SREK1: variants seen among roughly 807,000 people sequenced by gnomAD.
SREK1 encodes splicing regulatory glutamic acid and lysine rich protein 1, also known as splicing regulatory glutamine/lysine-rich protein 1.
Under a neutral mutation model 66.5 loss-of-function variants are expected in SREK1, and 13 were observed. That is an observed-to-expected ratio of 0.20 (90% CI 0.13 to 0.31). The LOEUF (loss-of-function observed/expected upper bound fraction) is 0.31, where lower values mean the gene tolerates loss of function less well. Ranked by LOEUF, SREK1 falls within the 10% of genes least tolerant of loss-of-function variation. The probability of loss-of-function intolerance (pLI) is 1.00; values close to 1 mark genes in which losing one functional copy is unlikely to be tolerated. For synonymous variants in SREK1, 265 were observed against 263.5 expected (o/e 1.01, Z -0.05); for missense variants, 607 against 769.6 (o/e 0.79, Z 2.50).
intron 1 of SREK1, among the ~76,000 whole-genome samples, chr5:66,145,455 TACCCAAGA>T (rs1420784310): frequency 6.6e-6 from 1 of 152,160 alleles, no homozygotes; most frequent in African/African-American, 2.4e-5. Context: ...GGGTAATTGT[TACCCAAGA>T]TTTATTTCTT....
chr5:66,149,128 C>T (rs1000818786), intron 1 of SREK1, among the ~76,000 whole-genome samples: 6 of 152,090 alleles, frequency 3.9e-5, no homozygotes, highest in South Asian at 2.1e-4. Context: ...CCGAGGCAGG[C>T]GGATCACGAG....
At chr5:66,144,720 T>G (rs1743001423) in intron 1 of SREK1, 183 bp downstream of exon 1, 3 of 1,302,492 alleles carry the variant, frequency 2.3e-6, no homozygotes, top group Non-Finnish European at 3.0e-6. Context: ...TTAGTCGGAT[T>G]TGGGGGGTTA....
rs978257934 is a variant in SREK1, at chr5:66,181,910, G to A, written c.*3042G>A. 1.6e-5 allele frequency: 2 copies of A among 126,942 alleles called. No individual in the cohort carries two copies. Among genetic ancestry groups the A allele is most frequent in the African/African-American group, 5.6e-5 (2 of 35,594 alleles). 7.9% of individuals were successfully genotyped at this position (126,942 alleles called of 1,614,324 possible). A position where few individuals can be genotyped will look rare whatever the true frequency, so the allele number is the denominator to read the frequency against. On this transcript the variant is annotated 3_prime_UTR_variant, in exon 12 of 12. Transcript: ENST00000334121. Reference sequence around the variant, plus strand: ...AAAAGGTTTTTTTGTCGGGGGGGGGGGGGTCAAGAGAATTTATTTTGTGAT... The same window carrying A: ...AAAAGGTTTTTTTGTCGGGGGGGGGAGGGTCAAGAGAATTTATTTTGTGAT...
intron 3 of SREK1, among the ~76,000 whole-genome samples, chr5:66,160,017 C>T (rs145047662): frequency 9.2e-4 from 140 of 152,250 alleles, no homozygotes; most frequent in African/African-American, 3.2e-3. Flanking sequence ...GTAGTCCCAG[C>T]TGCTCGGGAG....
At chr5:66,173,126 G>A (rs1392958898) in intron 9 of SREK1, among the ~76,000 whole-genome samples, 1 of 151,814 alleles carries the variant, frequency 6.6e-6, no homozygotes, top group African/African-American at 2.4e-5. Context: ...AGCCGCCACC[G>A]CCCCCAGCCA....
At chr5:66,167,020 T>G (rs886942563) in intron 7 of SREK1, 2 of 151,982 alleles carry the variant, frequency 1.3e-5, no homozygotes, top group African/African-American at 4.8e-5. Context: ...CTAGTGGGAG[T>G]TGTTGTCCTT....
intron 1 of SREK1, among the ~76,000 whole-genome samples, chr5:66,147,284 A>G (rs1743324139): frequency 6.6e-6 from 1 of 152,180 alleles, no homozygotes; most frequent in South Asian, 2.1e-4. Flanking sequence ...TAGAATTACT[A>G]TTAACTTTTT....
intron 5 of SREK1, 143 bp downstream of exon 5, chr5:66,162,735 A>G (rs991013806): frequency 5.9e-6 from 4 of 672,328 alleles, no homozygotes; most frequent in Admixed American, 6.9e-5. Context: ...AATGAAATAC[A>G]TGAGATACTT....
In SREK1 at chr5:66,162,246, G is replaced by A. The variant is rs777484879; in HGVS notation, c.549G>A (p.Thr183=). ...CCAAAATAGATGAAATTAGGAGAAC[G>A]GTTTATGTTGGAAATCTGAATTCCC... The part of the protein sequence containing the change: ...DPSKIDEIRR[T]VYVGNLNSQT... The change falls in exon 4 of 12, where the codon ACG becomes ACA. Residue 183 remains threonine, a synonymous_variant. Transcript: ENST00000334121. 3 of 1,614,024 alleles carry A rather than the reference G, an allele frequency of 1.9e-6. No individual in the cohort carries two copies. The highest frequency in any genetic ancestry group is 1.7e-5 in the Admixed American group (1 of 60,010).
At chr5:66,146,930 A>G (rs150977173) in intron 1 of SREK1, among the ~76,000 whole-genome samples, 8 of 152,192 alleles carry the variant, frequency 5.3e-5, no homozygotes, top group Non-Finnish European at 8.8e-5. Flanking sequence ...TTAAAATTTT[A>G]TGATTGAGCC....
chr5:66,175,662 A>T lies in SREK1; in HGVS notation c.1580+621A>T, dbSNP rs533493363. On this transcript the variant is annotated intron_variant, in intron 10 of 11. Coordinates refer to ENST00000334121, the MANE Select transcript of SREK1 (RefSeq NM_001077199.3). ...TGTAATTTTTGAGAGATATTTCCTA[A>T]TTATCCTCTATAAGAGTTGGCAGCA... 1.8e-4 allele frequency among the ~76,000 whole-genome samples: 27 copies of T among 152,264 alleles called. No homozygotes were observed. In the South Asian group the frequency reaches 3.5e-3, roughly 20 times the overall value.
At chr5:66,159,065 A>G in intron 2 of SREK1, 154 bp from the exon 3 acceptor site, 1 of 1,420,844 alleles carries the variant, frequency 7.0e-7, no homozygotes, top group Non-Finnish European at 9.2e-7. Context: ...GATAAAAGGA[A>G]AGACTTAAGT....
In SREK1 at chr5:66,166,480, T is replaced by C. The variant is rs566576254; in HGVS notation, c.1001+1583T>C. On this transcript the variant is annotated intron_variant, in intron 7 of 11. Transcript: ENST00000334121. ...ATAATGTATATATATTCCTTTTTTT[T>C]CCCCCCCCAAGATGCAGTTTCAGTC... 3.6e-3 allele frequency: 534 copies of C among 147,908 alleles called. 2 individuals are homozygous for C. Among genetic ancestry groups the C allele is most frequent in the Non-Finnish European group, 5.5e-3 (366 of 66,354 alleles). The allele number at this position is 147,908 out of a possible 1,614,324, so 9.2% of individuals were successfully genotyped here.
chr5:66,157,471 A>T, intron 2 of SREK1: 1 of 985,286 alleles, frequency 1.0e-6, no homozygotes, highest in Non-Finnish European at 1.2e-6. Flanking sequence ...CAAAACCTCA[A>T]TTTATCAAGA....
intron 2 of SREK1, among the ~76,000 whole-genome samples, chr5:66,154,402 G>A (rs1172856409): frequency 1.3e-5 from 2 of 152,280 alleles, no homozygotes; most frequent in African/African-American, 2.4e-5. Flanking sequence ...TGACTAGCAT[G>A]TGTACAGGAT....
At chr5:66,164,546 G>A (rs1479202093) in intron 6 of SREK1, 11 of 1,443,312 alleles carry the variant, frequency 7.6e-6, no homozygotes, top group Admixed American at 6.1e-5. Context: ...CGTACGTTAC[G>A]GCAGCAACAA....
At chr5:66,160,327 A>G (rs1304708385) in intron 3 of SREK1, among the ~76,000 whole-genome samples, 4 of 152,238 alleles carry the variant, frequency 2.6e-5, no homozygotes, top group Non-Finnish European at 5.9e-5. Flanking sequence ...ATGTGATTGT[A>G]GTTAATTTAT....
chr5:66,164,112 A>G (rs1744977265), intron 6 of SREK1, 190 bp downstream of exon 6: 2 of 628,378 alleles, frequency 3.2e-6, no homozygotes, highest in Non-Finnish European at 5.0e-6. Flanking sequence ...TTTCTGTGAT[A>G]CTGAATTGAG....
intron 6 of SREK1, chr5:66,164,133 C>A: frequency 2.0e-6 from 1 of 500,286 alleles, no homozygotes; most frequent in Non-Finnish European, 3.4e-6. Flanking sequence ...GCACTTTAGT[C>A]TGAGCTAATC....
Sources: gnomAD v4.1 joint callset for allele counts (sites outside exome capture counted in the v4.1 genomes callset) on GRCh38, gnomAD v4.1.1 for gene constraint, MANE v1.5 for transcripts, NCBI Gene and HGNC (gene_info 2026-07-23, HGNC 2026-07-21) for gene names.